The following PCDHA4 variants were observed in gnomAD, a reference collection of about 807,000 sequenced individuals.
PCDHA4 encodes protocadherin alpha 4, also known as protocadherin alpha-4.
PCDHA4 carries 49 observed loss-of-function variants against 61.4 expected under a neutral mutation model. The observed-to-expected ratio is 0.80, with a 90% CI of 0.63 to 1.01. PCDHA4 has a LOEUF of 1.01. PCDHA4 is among the 50% of genes least tolerant of loss of function. The pLI is 0.00. For synonymous variants in PCDHA4, 590 were observed against 550.3 expected (o/e 1.07, Z -1.01); for missense variants, 1,254 against 1,235.8 (o/e 1.01, Z -0.22).
chr5:140,902,818 T>G (rs1554190664), intron 1 of PCDHA4, among the ~76,000 whole-genome samples: 1 of 152,062 alleles, frequency 6.6e-6, no homozygotes, highest in Non-Finnish European at 1.5e-5. Flanking sequence ...CAATATTTGG[T>G]TTTCGATTTC....
chr5:140,878,537 C>G (rs1554170454), intron 1 of PCDHA4, among the ~76,000 whole-genome samples: 2 of 152,152 alleles, frequency 1.3e-5, no homozygotes, highest in African/African-American at 4.8e-5. Flanking sequence ...GTGGCTCAAA[C>G]CAGTTTCAGA....
intron 3 of PCDHA4, among the ~76,000 whole-genome samples, chr5:141,004,049 A>T (rs1372116883): frequency 6.6e-6 from 1 of 152,208 alleles, no homozygotes; most frequent in African/African-American, 2.4e-5. Flanking sequence ...TCATTTGCTG[A>T]TACTGGCCCC....
intron 1 of PCDHA4, among the ~76,000 whole-genome samples, chr5:140,940,172 C>T (rs1177302028): frequency 6.6e-6 from 1 of 152,102 alleles, no homozygotes; most frequent in Non-Finnish European, 1.5e-5. Flanking sequence ...AAATGTCATT[C>T]TTGATAGATA....
intron 1 of PCDHA4, among the ~76,000 whole-genome samples, chr5:140,941,615 C>T (rs2093129027): frequency 6.6e-6 from 1 of 151,970 alleles, no homozygotes; most frequent in African/African-American, 2.4e-5. Context: ...GTGCCCAGCC[C>T]ATCCTGCTTC....
chr5:140,854,977 TAA>T (rs1490138607), intron 1 of PCDHA4, among the ~76,000 whole-genome samples: 1 of 149,962 alleles, frequency 6.7e-6, no homozygotes, highest in Non-Finnish European at 1.5e-5. Flanking sequence ...GAATTATAAT[TAA>T]GATTCTTTTT....
intron 1 of PCDHA4, chr5:140,816,448 T>C (rs2126671757): frequency 6.6e-6 from 1 of 152,334 alleles, no homozygotes; most frequent in East Asian, 1.9e-4. Context: ...TTATTTTGAA[T>C]ACTTTGTCAA....
chr5:140,980,724 T>G (rs2096903192), intron 2 of PCDHA4, among the ~76,000 whole-genome samples: 1 of 152,176 alleles, frequency 6.6e-6, no homozygotes, highest in Non-Finnish European at 1.5e-5. Flanking sequence ...GGGTTTCAAT[T>G]AAGATATTAT....
intron 1 of PCDHA4, chr5:140,927,096 G>A (rs1554204014): frequency 1.2e-6 from 2 of 1,612,778 alleles, no homozygotes; most frequent in Admixed American, 1.7e-5. Context: ...ACTTCGGGGT[G>A]GATCTACCCA....
chr5:140,897,415 A>G (rs2066090522), intron 1 of PCDHA4, among the ~76,000 whole-genome samples: 1 of 138,406 alleles, frequency 7.2e-6, no homozygotes, highest in South Asian at 2.3e-4. Context: ...TTCAATTCCC[A>G]TCTATGAGTG....
At chr5:140,872,336 A>G (rs1554166138) in intron 1 of PCDHA4, among the ~76,000 whole-genome samples, 1 of 152,144 alleles carries the variant, frequency 6.6e-6, no homozygotes, top group African/African-American at 2.4e-5. Context: ...CTAAAATTCT[A>G]CATGTTCTTG....
chr5:140,823,483 G>T (rs782459189), intron 1 of PCDHA4: 3 of 1,613,434 alleles, frequency 1.9e-6, no homozygotes, highest in Non-Finnish European at 1.7e-6. Context: ...GCCTCGAGTG[G>T]GTGGCACCGG....
chr5:140,935,894 C>CTTTT (rs55841305), intron 1 of PCDHA4, among the ~76,000 whole-genome samples: 9 of 136,750 alleles, frequency 6.6e-5, no homozygotes, highest in South Asian at 2.3e-4. Flanking sequence ...TCAATATTAT[C>CTTTT]TTTTTTTTTT....
chr5:140,990,834 A>G (rs1554251782), intron 3 of PCDHA4, among the ~76,000 whole-genome samples: 1 of 152,234 alleles, frequency 6.6e-6, no homozygotes, highest in East Asian at 1.9e-4. Flanking sequence ...AAAGCCTATT[A>G]GCAAAAATAG....
chr5:140,829,811 G>A (rs2150175266), intron 1 of PCDHA4: 4 of 1,613,910 alleles, frequency 2.5e-6, no homozygotes, highest in South Asian at 1.1e-5. Flanking sequence ...GGGTGGTACT[G>A]GTGGTGCAGT....
chr5:140,834,050 T>C (rs1772774316), intron 1 of PCDHA4, among the ~76,000 whole-genome samples: 1 of 152,196 alleles, frequency 6.6e-6, no homozygotes, highest in African/African-American at 2.4e-5. Flanking sequence ...TAAGAATGCT[T>C]CTAACAATCA....
intron 1 of PCDHA4, among the ~76,000 whole-genome samples, chr5:140,907,298 A>T (rs138771358): frequency 0.017 from 2,638 of 152,276 alleles, 92 homozygotes; most frequent in African/African-American, 0.06. Context: ...CTGCTTCAGG[A>T]TGATGGGGAA....
chr5:140,924,926 T>A (rs1554202369), intron 1 of PCDHA4, among the ~76,000 whole-genome samples: 1 of 119,426 alleles, frequency 8.4e-6, no homozygotes, highest in African/African-American at 3.1e-5. Flanking sequence ...TAAAATAAAA[T>A]AAAATAAAAT....
At chr5:140,822,438 A>G (rs149277994) in intron 1 of PCDHA4, 11 of 1,613,682 alleles carry the variant, frequency 6.8e-6, no homozygotes, top group Non-Finnish European at 8.5e-6. Flanking sequence ...AACCCGAACT[A>G]ACAGGTACAG....
intron 1 of PCDHA4, chr5:140,841,790 G>T (rs2150322746): frequency 6.2e-7 from 1 of 1,613,884 alleles, no homozygotes. Flanking sequence ...GCTAGAGGGC[G>T]CGTCCGATGC....
Sources: gnomAD v4.1 joint callset for allele counts (sites outside exome capture counted in the v4.1 genomes callset) on GRCh38, gnomAD v4.1.1 for gene constraint, MANE v1.5 for transcripts, NCBI Gene and HGNC (gene_info 2026-07-23, HGNC 2026-07-21) for gene names.